Variants in ZNF365 observed in about 807,000 individuals in gnomAD.
ZNF365 encodes zinc finger protein 365, also known as protein ZNF365.
A neutral mutation model predicts 35.0 loss-of-function variants in ZNF365; 22 were observed. The ratio of observed to expected loss-of-function variants is 0.63; its 90% CI spans 0.45 to 0.90. The LOEUF (loss-of-function observed/expected upper bound fraction) is 0.90, where lower values mean the gene tolerates loss of function less well. Ranked by LOEUF, ZNF365 falls within the 40% of genes least tolerant of loss-of-function variation. The probability of loss-of-function intolerance (pLI) is 0.00; values close to 1 mark genes in which losing one functional copy is unlikely to be tolerated. For missense variants in ZNF365, 448 were observed against 500.3 expected, an observed-to-expected ratio of 0.90 and a Z score of 1.00; for synonymous variants, 188 against 196.2, an observed-to-expected ratio of 0.96 and a Z score of 0.35.
intron 3 of ZNF365, among the ~76,000 whole-genome samples, chr10:62,443,711 A>G (rs1589456618): frequency 6.6e-6 from 1 of 152,300 alleles, no homozygotes; most frequent in East Asian, 1.9e-4. Flanking sequence ...CAAGGGGAAA[A>G]TGGGCTCCAT....
At chr10:62,425,365 C>A (rs968290301) in intron 3 of ZNF365, among the ~76,000 whole-genome samples, 4 of 152,020 alleles carry the variant, frequency 2.6e-5, no homozygotes, top group Non-Finnish European at 4.4e-5. Flanking sequence ...AACAAAATAA[C>A]ACAATGGTAA....
chr10:62,479,844 C>G (rs1241674333), intron 4 of ZNF365: 1 of 1,506,242 alleles, frequency 6.6e-7, no homozygotes, highest in South Asian at 1.1e-5. Context: ...CACTGCAACT[C>G]TACTAACTTT....
intron 4 of ZNF365, among the ~76,000 whole-genome samples, chr10:62,465,198 C>T (rs1475851528): frequency 2.0e-5 from 3 of 152,176 alleles, no homozygotes; most frequent in East Asian, 1.9e-4. Flanking sequence ...TGGGTGCTGT[C>T]GCAACCTGGT....
intron 3 of ZNF365, among the ~76,000 whole-genome samples, chr10:62,436,628 A>G (rs1840411838): frequency 6.6e-6 from 1 of 152,222 alleles, no homozygotes; most frequent in Non-Finnish European, 1.5e-5. Context: ...ATATTTCCTG[A>G]AGCCTTTTGA....
chr10:62,377,490 G>T (rs935443054), intron 2 of ZNF365, among the ~76,000 whole-genome samples: 5 of 152,114 alleles, frequency 3.3e-5, no homozygotes, highest in African/African-American at 1.2e-4. Flanking sequence ...AGACATTAGG[G>T]CACCCAGAGG....
Position 62,399,515 on chromosome 10 carries a change from C to T in ZNF365, c.963-13C>T. The T allele has an allele frequency of 6.2e-7, 1 of 1,613,252 alleles. No homozygotes were observed. Among genetic ancestry groups the T allele is most frequent in the Non-Finnish European group, 8.5e-7 (1 of 1,179,356 alleles). Reference sequence around the variant, plus strand: ...CTCATCTCTTCTCCACTCCCCCCTCCAACCCTCTGTAGAAGCCGAGGGCAC... The same window carrying T: ...CTCATCTCTTCTCCACTCCCCCCTCTAACCCTCTGTAGAAGCCGAGGGCAC... On this transcript the variant is annotated splice_polypyrimidine_tract_variant and intron_variant, in intron 4 of 4. Transcript: ENST00000395254.
intron 3 of ZNF365, among the ~76,000 whole-genome samples, chr10:62,436,074 T>C (rs1435486509): frequency 1.3e-5 from 2 of 152,182 alleles, no homozygotes; most frequent in African/African-American, 2.4e-5. Context: ...GACTGTTACT[T>C]TTCTTTCTTA....
chr10:62,380,167 G>A (rs577494494), intron 2 of ZNF365, among the ~76,000 whole-genome samples: 68 of 152,300 alleles, frequency 4.5e-4, no homozygotes, highest in Non-Finnish European at 7.9e-4. Context: ...TATACTCATA[G>A]CAGAGGAGGT....
intron 3 of ZNF365, among the ~76,000 whole-genome samples, chr10:62,432,676 C>T (rs1280566018): frequency 6.6e-6 from 1 of 152,116 alleles, no homozygotes; most frequent in African/African-American, 2.4e-5. Flanking sequence ...TCAGTTTAGC[C>T]TGATGTTGGG....
intron 3 of ZNF365, among the ~76,000 whole-genome samples, chr10:62,411,919 A>G (rs190664210): frequency 2.5e-4 from 38 of 152,248 alleles, no homozygotes; most frequent in Admixed American, 2.4e-3. Flanking sequence ...ACAACCTAAC[A>G]CCATAATTAA....
At chr10:62,395,708 G>A (rs1337434624) in intron 3 of ZNF365, among the ~76,000 whole-genome samples, 1 of 151,744 alleles carries the variant, frequency 6.6e-6, no homozygotes, top group African/African-American at 2.4e-5. Flanking sequence ...AGTGCTCCAG[G>A]GTCATGCTCA....
chr10:62,453,629 C>A (rs1424075073), intron 3 of ZNF365, among the ~76,000 whole-genome samples: 1 of 152,072 alleles, frequency 6.6e-6, no homozygotes, highest in African/African-American at 2.4e-5. Flanking sequence ...ATGTTGATTT[C>A]TTTTCCTTTG....
chr10:62,453,454 G>A (rs1034880529), intron 3 of ZNF365, among the ~76,000 whole-genome samples: 1 of 152,206 alleles, frequency 6.6e-6, no homozygotes, highest in Non-Finnish European at 1.5e-5. Flanking sequence ...CTGCAAAAGA[G>A]TGATGTCATT....
chr10:62,415,167 G>A (rs1199277238), intron 3 of ZNF365, among the ~76,000 whole-genome samples: 1 of 151,688 alleles, frequency 6.6e-6, no homozygotes, highest in Admixed American at 6.6e-5. Flanking sequence ...TCTATTGCAT[G>A]TTTTTTTTCC....
rs1277208002 is a variant in ZNF365, at chr10:62,379,292, G to A, written c.743+2356G>A. On this transcript the variant is annotated intron_variant, in intron 2 of 4. Coordinates refer to ENST00000395254, the MANE Select transcript of ZNF365 (RefSeq NM_014951.3). ...ACTGGTCTTGGCCTCCCAAAGTGCT[G>A]GGATTATAGTTGTAAGCCACGGTAC... is the stretch of plus-strand genomic sequence containing the variant. Among the ~76,000 whole-genome samples, 4 of 152,004 alleles carry A rather than the reference G, an allele frequency of 2.6e-5. No homozygotes were observed. The East Asian group carries it at 7.7e-4, about 29-fold the overall frequency.
rs1369171505 is a variant in ZNF365 at position 62,400,120 on chromosome 10, G to C, written c.*331G>C. 4 of 1,057,038 alleles carry C rather than the reference G, an allele frequency of 3.8e-6. No homozygotes were observed. Among genetic ancestry groups the C allele is most frequent in the Non-Finnish European group, 4.6e-6 (4 of 874,264 alleles). 65.5% of individuals were successfully genotyped at this position (1,057,038 alleles called of 1,614,324 possible). A position where few individuals can be genotyped will look rare whatever the true frequency, so the allele number is the denominator to read the frequency against. On this transcript the variant is annotated 3_prime_UTR_variant, in exon 5 of 5. Coordinates refer to ENST00000395254, the MANE Select transcript of ZNF365 (RefSeq NM_014951.3). ...CTATGCAGTGGTCACTAATTTTCAG[G>C]ACCAAGGCCACACAAAATGTCAGGC...
intron 3 of ZNF365, among the ~76,000 whole-genome samples, chr10:62,454,188 T>A (rs967261762): frequency 6.6e-6 from 1 of 152,204 alleles, no homozygotes; most frequent in Non-Finnish European, 1.5e-5. Context: ...TAGCTATTGG[T>A]AGATAAGCAG....
At chr10:62,431,699 G>A (rs1840337429) in intron 3 of ZNF365, among the ~76,000 whole-genome samples, 1 of 152,170 alleles carries the variant, frequency 6.6e-6, no homozygotes, top group Non-Finnish European at 1.5e-5. Flanking sequence ...CAAAGACAAA[G>A]CAAGACAGAG....
intron 3 of ZNF365, among the ~76,000 whole-genome samples, chr10:62,392,982 G>A (rs1006373959): frequency 6.6e-6 from 1 of 151,668 alleles, no homozygotes; most frequent in Non-Finnish European, 1.5e-5. Context: ...CTCTTCATGT[G>A]CTTTATTCAA....
Sources: allele counts gnomAD v4.1 joint callset (sites outside exome capture counted in the v4.1 genomes callset), GRCh38; gene constraint gnomAD v4.1.1; transcripts MANE v1.5; gene names NCBI Gene and HGNC (gene_info 2026-07-23, HGNC 2026-07-21).